Variants in PKD1 observed in about 807,000 individuals in gnomAD.
PKD1 encodes the protein polycystin-1.
In PKD1, 81 loss-of-function variants were observed where a neutral mutation model predicts 361.7. The ratio of observed to expected loss-of-function variants is 0.22; its 90% CI spans 0.19 to 0.27. PKD1 has a LOEUF of 0.27. Among genes scored for constraint, PKD1 ranks in the 10% least tolerant of loss-of-function variants. PKD1 has a pLI of 1.00. For synonymous variants in PKD1, 3,615 were observed against 2,818.3 expected (o/e 1.28, Z -8.95); for missense variants, 6,399 against 6,118.3 (o/e 1.05, Z -1.53).
rs1169219265 is a variant in PKD1, at chr16:2,112,833, A to G, written c.3116T>C (p.Leu1039Pro). 1.9e-6 allele frequency: 3 copies of G among 1,603,054 alleles called. No individual in the cohort carries two copies. Among genetic ancestry groups the G allele is most frequent in the Non-Finnish European group, 2.5e-6 (3 of 1,179,608 alleles). The change falls in exon 13 of 46, where the codon CTG (leucine) becomes CCG (proline). Residue 1039 changes from leucine (L) to proline (P), a missense_variant. Transcript: ENST00000262304. ...CGAGTCCACCAGCACGCCCGCCGTC[A>G]GTGCTAGCGTGGCATTGGGGGACAG... ...AVLSPNATLA[L>P]TAGVLVDSAV...
In PKD1 at chr16:2,109,582, A is replaced by G; in HGVS notation, c.5585T>C (p.Phe1862Ser). ...VTMVFPDAGT[F>S]SIRLNASNAV... Reference sequence around the variant, plus strand: ...GTTGGAGGCATTGAGCCGGATGGAGAAGGTGCCAGCATCCGGGAAGACCAT... The same window carrying G: ...GTTGGAGGCATTGAGCCGGATGGAGGAGGTGCCAGCATCCGGGAAGACCAT... The change falls in exon 15 of 46, where the codon TTC becomes TCC. Residue 1862 changes from phenylalanine to serine, a missense_variant. Transcript: ENST00000262304. 6.2e-7 allele frequency: 1 copy of G among 1,611,638 alleles called. No individual in the cohort carries two copies. Among genetic ancestry groups the G allele is most frequent in the South Asian group, 1.1e-5 (1 of 90,938 alleles).
At position 2,090,931 on chromosome 16, in the gene PKD1, C is replaced by T. The variant is rs1269052052; in HGVS notation, c.11956G>A (p.Ala3986Thr). The change falls in exon 43 of 46, where the codon GCA becomes ACA. Residue 3986 changes from alanine (A) to threonine (T), a missense_variant. Physicochemically the swap from Ala to Thr is moderately conservative, Grantham distance 58. Transcript: ENST00000262304. ...SFDQVAQLSS[A>T]ARGLAASLLF... is the part of the protein sequence containing the mutation. The stretch of plus-strand genomic sequence containing the variant: ...AGCGAGGCCGCCAGGCCACGGGCTG[C>T]GGAGCTCAGCTGCGCCACCTGGTCG... 5 of 1,577,982 alleles carry T rather than the reference C, an allele frequency of 3.2e-6. No homozygotes were observed. The highest frequency in any genetic ancestry group is 3.4e-6 in the Non-Finnish European group (4 of 1,168,884).
In PKD1 at chr16:2,088,927, C is replaced by T; in HGVS notation, c.*800G>A. On this transcript the variant is annotated 3_prime_UTR_variant, in exon 46 of 46. Coordinates refer to ENST00000262304, the MANE Select transcript of PKD1 (RefSeq NM_001009944.3). The stretch of plus-strand genomic sequence containing the variant: ...CACCTTCCTCCACCCTGGGAGCCAG[C>T]CCCCAGGAGGAGTCTTTTCCTCTAA... 5.2e-6 allele frequency: 2 copies of T among 385,872 alleles called. No homozygotes were observed. The allele number at this position is 385,872 out of a possible 1,614,324, so 23.9% of individuals were successfully genotyped here.
chr16:2,110,820 G>A lies in PKD1; in HGVS notation c.4347C>T (p.Asn1449=). 2 of 1,611,704 alleles carry A rather than the reference G, an allele frequency of 1.2e-6. No homozygotes were observed. The highest frequency in any genetic ancestry group is 1.7e-6 in the Non-Finnish European group (2 of 1,179,842). Residue 1449 remains asparagine, a synonymous_variant, in exon 15 of 46, where the codon AAC becomes AAT. Transcript: ENST00000262304. ...GSYLVTVTAS[N]NISAANDSAL... ...CTGAGTCATTGGCAGCAGAGATGTT[G>A]TTGGACGCGGTGACTGTCACAAGAT...
rs139399947 is a variant in PKD1, at chr16:2,092,487, C to G, written c.11262G>C (p.Leu3754=). The G allele has an allele frequency of 2.3e-3, 3,624 of 1,604,210 alleles. 75 individuals carry two copies. Among genetic ancestry groups the G allele is most frequent in the East Asian group, 5.0e-3 (222 of 44,838 alleles). The change falls in exon 39 of 46, where the codon CTG becomes CTC. Residue 3754 remains leucine (L), a synonymous_variant. Coordinates refer to ENST00000262304, the MANE Select transcript of PKD1 (RefSeq NM_001009944.3). ...LGPPRLRQVR[L]QEALYPDPPG... Reference sequence around the variant, plus strand: ...CACGCCCTGCCAGCTCACCTTCCTGCAGCCGCACCTGCCGCAGCCGTGGGG... The same window carrying G: ...CACGCCCTGCCAGCTCACCTTCCTGGAGCCGCACCTGCCGCAGCCGTGGGG...
intron 1 of PKD1, among the ~76,000 whole-genome samples, chr16:2,125,309 G>C (rs1488301843): frequency 6.6e-6 from 1 of 152,152 alleles, no homozygotes; most frequent in Non-Finnish European, 1.5e-5. Context: ...CTGGCCCCAC[G>C]AGGGGTGGGG....
intron 1 of PKD1, chr16:2,123,511 CG>C (rs1240708701): frequency 8.8e-6 from 4 of 456,340 alleles, no homozygotes; most frequent in African/African-American, 8.0e-5. Flanking sequence ...CTTTTGCCAT[CG>C]CCGTTCTGGG....
chr16:2,102,008 C>A lies in PKD1; in HGVS notation c.9397+53G>T, dbSNP rs2092116786. 3 of 1,179,064 alleles carry A rather than the reference C, an allele frequency of 2.5e-6. No homozygotes were observed. In the South Asian group the frequency reaches 3.8e-5, roughly 15 times the overall value. The allele number at this position is 1,179,064 out of a possible 1,614,324, so 73.0% of individuals were successfully genotyped here. A position where few individuals can be genotyped will look rare whatever the true frequency, so the allele number is the denominator to read the frequency against. Reference sequence around the variant, plus strand: ...GAGACTCACTCCCAGAGGGTGCAACCAGCACAGCCAGTGAGAGCAGGGGAG... The same window carrying A: ...GAGACTCACTCCCAGAGGGTGCAACAAGCACAGCCAGTGAGAGCAGGGGAG... On this transcript the variant is annotated intron_variant, in intron 26 of 45. Coordinates refer to ENST00000262304, the MANE Select transcript of PKD1 (RefSeq NM_001009944.3).
In PKD1 at chr16:2,100,251, G is replaced by A; in HGVS notation, c.9627C>T (p.Arg3209=). 1 of 1,610,668 alleles carries A rather than the reference G, an allele frequency of 6.2e-7. No individual in the cohort carries two copies. The highest frequency in any genetic ancestry group is 1.3e-5 in the African/African-American group (1 of 74,986). Residue 3209 remains arginine (R), a synonymous_variant, in exon 28 of 46, where the codon CGC becomes CGT. Coordinates refer to ENST00000262304, the MANE Select transcript of PKD1 (RefSeq NM_001009944.3). The surrounding 1 kb of genome is among the most constrained non-coding windows in gnomAD (Gnocchi z 4.4). ...AGTCATTGACCAGGAAGAAGGCGCT[G>A]CGTGCCGTCTGCAGGTCCCTGACGA... The part of the protein sequence containing the change: ...HVIVRDLQTA[R]SAFFLVNDWL...
intron 1 of PKD1, among the ~76,000 whole-genome samples, chr16:2,122,358 G>A (rs1215653096): frequency 6.6e-6 from 1 of 152,210 alleles, no homozygotes; most frequent in African/African-American, 2.4e-5. Context: ...CTCCGGGAGG[G>A]GAGAGGATCT....
intron 22 of PKD1, among the ~76,000 whole-genome samples, chr16:2,104,212 AG>A (rs1453446279): frequency 2.4e-3 from 37 of 15,350 alleles, no homozygotes; most frequent in Admixed American, 2.9e-3. Flanking sequence ...AGGGAGGGGA[AG>A]GGGGATGAGG....
rs776717269 is a variant in PKD1, at chr16:2,112,834, G to A, written c.3115C>T (p.Leu1039=). ...GAGTCCACCAGCACGCCCGCCGTCA[G>A]TGCTAGCGTGGCATTGGGGGACAGC... ...AVLSPNATLA[L]TAGVLVDSAV... Residue 1039 remains leucine, a synonymous_variant, in exon 13 of 46, where the codon CTG becomes TTG. Coordinates refer to ENST00000262304, the MANE Select transcript of PKD1 (RefSeq NM_001009944.3). The A allele has an allele frequency of 6.2e-7, 1 of 1,603,224 alleles. No homozygotes were observed. The highest frequency in any genetic ancestry group is 1.3e-5 in the African/African-American group (1 of 74,990).
In PKD1 at chr16:2,102,564, C is replaced by A; in HGVS notation, c.9018G>T (p.Val3006=). The change falls in exon 25 of 46, where the codon GTG becomes GTT. Residue 3006 remains valine, a synonymous_variant. Transcript: ENST00000262304. ...SSHFRWSALQ[V]SVGLYTSLCQ... ...ACAGGGACGTGTACAGGCCCACGGA[C>A]ACCTGCAGCGCCGACCAGCGGAAGT... The A allele has an allele frequency of 1.2e-6, 2 of 1,611,080 alleles. No homozygotes were observed. The highest frequency in any genetic ancestry group is 1.7e-6 in the Non-Finnish European group (2 of 1,179,786).
chr16:2,108,908 G>A lies in PKD1; in HGVS notation c.6259C>T (p.Pro2087Ser), dbSNP rs756315741. ...AQFEAATSPS[P>S]RRVAYHWDFG... ...TCCCAGTGGTAGGCCACACGCCGGG[G>A]GCTGGGGCTGGTGGCGGCCTCAAAC... The change falls in exon 15 of 46, where the codon CCC becomes TCC. Residue 2087 changes from proline to serine, a missense_variant. Coordinates refer to ENST00000262304, the MANE Select transcript of PKD1 (RefSeq NM_001009944.3). 29 of 1,586,114 alleles carry A rather than the reference G, an allele frequency of 1.8e-5. No homozygotes were observed. The Middle Eastern group carries it at 2.0e-3, about 108-fold the overall frequency.
In PKD1 at chr16:2,105,876, C is replaced by T. The variant is rs376969316; in HGVS notation, c.7852G>A (p.Val2618Met). The change falls in exon 20 of 46, where the codon GTG becomes ATG. Residue 2618 changes from valine (V) to methionine (M), a missense_variant. By Grantham distance (21) the Val-to-Met change is conservative. Transcript: ENST00000262304. ...VIEYSLALVT[V>M]LNEYERALDV... Reference sequence around the variant, plus strand: ...CAGGCTGCACTCACCTCGTTCAGCACGGTGACCAGGGCCAACGAGTACTCG... The same window carrying T: ...CAGGCTGCACTCACCTCGTTCAGCATGGTGACCAGGGCCAACGAGTACTCG... 2.1e-5 allele frequency: 33 copies of T among 1,596,120 alleles called. No individual in the cohort carries two copies. The highest frequency in any genetic ancestry group is 2.0e-4 in the East Asian group (9 of 44,876).
At position 2,109,160 on chromosome 16, in the gene PKD1, C is replaced by T. The variant is rs201599671; in HGVS notation, c.6007G>A (p.Ala2003Thr). Residue 2003 changes from alanine (A) to threonine (T), a missense_variant, in exon 15 of 46, where the codon GCC becomes ACC. Ala to Thr is a moderately conservative substitution (Grantham distance 58). Coordinates refer to ENST00000262304, the MANE Select transcript of PKD1 (RefSeq NM_001009944.3). Reference protein sequence around the residue: ...TARVQRGSRVAYAWYFSLQKV... With the variant: ...TARVQRGSRVTYAWYFSLQKV... ...TGCAGCGAGAAGTACCAGGCGTAGG[C>T]GACCCGAGAGCCGCGCTGCACGCGG... is the stretch of plus-strand genomic sequence containing the variant. The T allele has an allele frequency of 2.6e-4, 422 of 1,601,052 alleles. No individual in the cohort carries two copies. Among genetic ancestry groups the T allele is most frequent in the Non-Finnish European group, 3.3e-4 (393 of 1,173,620 alleles).
In PKD1 at chr16:2,110,401, G is replaced by C; in HGVS notation, c.4766C>G (p.Thr1589Arg). The C allele has an allele frequency of 6.2e-7, 1 of 1,612,608 alleles. No homozygotes were observed. Among genetic ancestry groups the C allele is most frequent in the Non-Finnish European group, 8.5e-7 (1 of 1,179,858 alleles). ...RYSWVLCDRC[T>R]PIPGGPTISY... ...GATGGTAGGACCCCCAGGGATGGGCGTGCAGCGGTCACAGAGCACCCAGGA... is the reference window on the plus strand; with the variant it reads ...GATGGTAGGACCCCCAGGGATGGGCCTGCAGCGGTCACAGAGCACCCAGGA... Residue 1589 changes from threonine to arginine, a missense_variant, in exon 15 of 46, where the codon ACG (threonine) becomes AGG (arginine). Physicochemically the swap from Thr to Arg is moderately conservative, Grantham distance 71. Transcript: ENST00000262304.
Position 2,103,831 on chromosome 16 carries a change from C to T in PKD1, c.8226G>A (p.Glu2742=). The T allele has an allele frequency of 1.2e-6, 2 of 1,608,040 alleles. No homozygotes were observed. The highest frequency in any genetic ancestry group is 1.7e-6 in the Non-Finnish European group (2 of 1,179,076). Residue 2742 remains glutamate, a synonymous_variant, in exon 23 of 46, where the codon GAG becomes GAA. Coordinates refer to ENST00000262304, the MANE Select transcript of PKD1 (RefSeq NM_001009944.3). Reference sequence around the variant, plus strand: ...GGGACGCCACCATCCGAGATGGTGACTCGGCTCCCAGCTCTGAGGGCTGTG... The same window carrying T: ...GGGACGCCACCATCCGAGATGGTGATTCGGCTCCCAGCTCTGAGGGCTGTG... ...RAPQPSELGA[E]SPSRMVASQA... is the part of the protein sequence containing the mutation.
chr16:2,088,989 C>T lies in PKD1; in HGVS notation c.*738G>A, dbSNP rs577387279. 66 of 282,748 alleles carry T rather than the reference C, an allele frequency of 2.3e-4. No individual in the cohort carries two copies. Among genetic ancestry groups the T allele is most frequent in the African/African-American group, 1.4e-3 (64 of 45,386 alleles). The allele number at this position is 282,748 out of a possible 1,614,324, so 17.5% of individuals were successfully genotyped here. ...TCCTCTGACATGCCTAGTCCTGCTA[C>T]TTGCCCAGACCTGATGCCAGCAGGC... is the stretch of plus-strand genomic sequence containing the variant. On this transcript the variant is annotated 3_prime_UTR_variant, in exon 46 of 46. Transcript: ENST00000262304.
Sources: allele counts gnomAD v4.1 joint callset (sites outside exome capture counted in the v4.1 genomes callset), GRCh38; gene constraint gnomAD v4.1.1; non-coding constraint Gnocchi (gnomAD v3.1); transcripts MANE v1.5; gene names NCBI Gene and HGNC (gene_info 2026-07-23, HGNC 2026-07-21).